PRSS12: variants seen among roughly 807,000 people sequenced by gnomAD.
PRSS12 encodes the protein serine protease 12.
A neutral mutation model predicts 104.4 loss-of-function variants in PRSS12; 85 were observed. The ratio of observed to expected loss-of-function variants is 0.81; its 90% CI spans 0.68 to 0.98. PRSS12 has a LOEUF of 0.98. Among genes scored for constraint, PRSS12 ranks in the 50% least tolerant of loss-of-function variants. The probability of loss-of-function intolerance (pLI) is 0.00; values close to 1 mark genes in which losing one functional copy is unlikely to be tolerated. For missense variants in PRSS12, 1,141 were observed against 1,139.2 expected, an observed-to-expected ratio of 1.00 and a Z score of -0.02; for synonymous variants, 454 against 425.2, an observed-to-expected ratio of 1.07 and a Z score of -0.83.
chr4:118,312,213 A>G (rs777919247), intron 7 of PRSS12, among the ~76,000 whole-genome samples: 1 of 152,166 alleles, frequency 6.6e-6, no homozygotes, highest in Non-Finnish European at 1.5e-5. Context: ...AATATGGTTA[A>G]TACTCTGAGG....
At chr4:118,312,199 A>G (rs1405061822) in intron 7 of PRSS12, among the ~76,000 whole-genome samples, 1 of 152,178 alleles carries the variant, frequency 6.6e-6, no homozygotes, top group Non-Finnish European at 1.5e-5. Context: ...AATTTAAAGT[A>G]TGTAATATGG....
intron 1 of PRSS12, among the ~76,000 whole-genome samples, chr4:118,340,923 T>C (rs1433483506): frequency 1.3e-5 from 2 of 152,246 alleles, no homozygotes; most frequent in Non-Finnish European, 2.9e-5. Context: ...AGATTTTTCT[T>C]GGCCTCTTTG....
At chr4:118,306,906 C>G in intron 8 of PRSS12, among the ~76,000 whole-genome samples, 1 of 151,836 alleles carries the variant, frequency 6.6e-6, no homozygotes, top group East Asian at 1.9e-4. Context: ...CCAATCTTCC[C>G]CTTTGTATTT....
intron 1 of PRSS12, among the ~76,000 whole-genome samples, chr4:118,343,069 A>C (rs891519132): frequency 3.9e-5 from 6 of 152,082 alleles, no homozygotes; most frequent in African/African-American, 1.4e-4. Context: ...TCCCTTCACA[A>C]GTCTCATTGG....
In PRSS12 at chr4:118,352,219, C is replaced by G; in HGVS notation, c.502G>C (p.Gly168Arg). Reference protein sequence around the residue: ...VDWGYCDCRHGSVRLRGGKNE... With the variant: ...VDWGYCDCRHRSVRLRGGKNE... ...CCGCGGCCGCCCCGAGGCCACTAAC[C>G]GTGTCTGCAGTCGCAGTAGCCCCAG... Residue 168 changes from glycine to arginine, a missense_variant and splice_region_variant, in exon 1 of 13, where the codon GGA (glycine) becomes CGA (arginine). Physicochemically the swap from Gly to Arg is moderately radical, Grantham distance 125. Transcript: ENST00000296498. 1 of 1,611,842 alleles carries G rather than the reference C, an allele frequency of 6.2e-7. No homozygotes were observed.
In PRSS12 at chr4:118,352,801, G is replaced by A. The variant is rs1322353629; in HGVS notation, c.-81C>T. On this transcript the variant is annotated 5_prime_UTR_variant, in exon 1 of 13. Coordinates refer to ENST00000296498, the MANE Select transcript of PRSS12 (RefSeq NM_003619.4). ...GAGAAGAGGAGGGGGCGGGGGCGGG[G>A]CTGCCGCGTCCCTCGAATCCCCCAG... 2 of 1,567,876 alleles carry A rather than the reference G, an allele frequency of 1.3e-6. No homozygotes were observed. The highest frequency in any genetic ancestry group is 1.2e-5 in the South Asian group (1 of 86,098).
At chr4:118,331,649 C>A (rs1723919186) in intron 4 of PRSS12, 67 bp downstream of exon 4, 1 of 1,599,980 alleles carries the variant, frequency 6.3e-7, no homozygotes, top group Non-Finnish European at 8.6e-7. Flanking sequence ...ACAAACAGCA[C>A]CTGCCTTTGG....
intron 1 of PRSS12, among the ~76,000 whole-genome samples, chr4:118,346,784 G>A (rs780118628): frequency 2.6e-5 from 4 of 152,110 alleles, no homozygotes; most frequent in Admixed American, 6.5e-5. Context: ...CTAGGAGCTC[G>A]AACTCCATTG....
chr4:118,333,085 A>T (rs1273047638), intron 3 of PRSS12, among the ~76,000 whole-genome samples: 1 of 152,232 alleles, frequency 6.6e-6, no homozygotes, highest in African/African-American at 2.4e-5. Flanking sequence ...GGGCCAAGAT[A>T]GATGGGATTT....
rs771497164 is a variant in PRSS12, at chr4:118,295,032, C to A, written c.1946G>T (p.Arg649Leu). The change falls in exon 11 of 13, where the codon CGG becomes CTG. Residue 649 changes from arginine (R) to leucine (L), a missense_variant. Arg to Leu is a moderately radical substitution (Grantham distance 102). Transcript: ENST00000296498. ...GCCATCTCCATGGGATGACTTCAGC[C>A]GGAGGGAAACCTGCCAAGGCCAACC... ...RGGWPWQVSLRLKSSHGDGRL... is the reference protein window; with the variant it reads ...RGGWPWQVSLLLKSSHGDGRL... 8 of 1,613,926 alleles carry A rather than the reference C, an allele frequency of 5.0e-6. No individual in the cohort carries two copies. The East Asian group carries it at 1.3e-4, about 27-fold the overall frequency.
chr4:118,313,135 G>T, intron 7 of PRSS12, 66 bp downstream of exon 7: 1 of 1,568,154 alleles, frequency 6.4e-7, no homozygotes, highest in Non-Finnish European at 8.7e-7. Context: ...TCATATTCAA[G>T]GCCAGTGGTT....
Position 118,318,452 on chromosome 4 carries a change from C to A in PRSS12, c.1076G>T (p.Cys359Phe). ...CTGNELSIEQ[C>F]PKSSWGEHNC... Reference sequence around the variant, plus strand: ...ATGCTCTCCCCAGGAGCTCTTTGGACACTGCTCAATTGAAAGCTCATTCCC... The same window carrying A: ...ATGCTCTCCCCAGGAGCTCTTTGGAAACTGCTCAATTGAAAGCTCATTCCC... The change falls in exon 5 of 13, where the codon TGT (cysteine) becomes TTT (phenylalanine). Residue 359 changes from cysteine (C) to phenylalanine (F), a missense_variant. Physicochemically the swap from Cys to Phe is radical, Grantham distance 205. Transcript: ENST00000296498. 1.2e-6 allele frequency: 2 copies of A among 1,614,172 alleles called. No individual in the cohort carries two copies. Among genetic ancestry groups the A allele is most frequent in the Non-Finnish European group, 1.7e-6 (2 of 1,180,026 alleles).
intron 11 of PRSS12, among the ~76,000 whole-genome samples, chr4:118,283,464 T>C (rs796778832): frequency 1.3e-5 from 2 of 152,324 alleles, no homozygotes; most frequent in African/African-American, 4.8e-5. Context: ...TTTCCAAGAA[T>C]TGTTAGTTTG....
At chr4:118,297,481 C>T (rs1743279376) in intron 9 of PRSS12, among the ~76,000 whole-genome samples, 1 of 151,514 alleles carries the variant, frequency 6.6e-6, no homozygotes, top group South Asian at 2.1e-4. Flanking sequence ...AAATCATTCA[C>T]ATATATACAT....
intron 4 of PRSS12, 120 bp from the exon 5 acceptor site, chr4:118,318,676 G>T: frequency 1.0e-6 from 1 of 973,918 alleles, no homozygotes; most frequent in Non-Finnish European, 1.6e-6. Flanking sequence ...CACTTCACAG[G>T]TCATGCATGA....
intron 4 of PRSS12, among the ~76,000 whole-genome samples, chr4:118,321,759 TGGG>T: frequency 6.6e-6 from 1 of 152,312 alleles, no homozygotes; most frequent in African/African-American, 2.4e-5. Flanking sequence ...AAAGTAAAGT[TGGG>T]GGAATGGTAA....
At chr4:118,327,845 T>A (rs1016751064) in intron 4 of PRSS12, among the ~76,000 whole-genome samples, 5 of 152,228 alleles carry the variant, frequency 3.3e-5, no homozygotes, top group African/African-American at 1.2e-4. Context: ...CAAATTTAAG[T>A]ATCTTAAGTA....
At chr4:118,295,380 A>G (rs2126028248) in intron 10 of PRSS12, among the ~76,000 whole-genome samples, 1 of 152,346 alleles carries the variant, frequency 6.6e-6, no homozygotes, top group Middle Eastern at 3.4e-3. Context: ...TACCTCGCCT[A>G]TGCAGTCTGA....
chr4:118,295,715 G>C, intron 10 of PRSS12, 63 bp downstream of exon 10: 2 of 1,450,206 alleles, frequency 1.4e-6, no homozygotes, highest in South Asian at 2.3e-5. Context: ...TCCCCAGTTT[G>C]TAACACTCTA....
Sources: allele counts gnomAD v4.1 joint callset (sites outside exome capture counted in the v4.1 genomes callset), GRCh38; gene constraint gnomAD v4.1.1; transcripts MANE v1.5; gene names NCBI Gene and HGNC (gene_info 2026-07-23, HGNC 2026-07-21).